ADCY5: variants seen among roughly 807,000 people sequenced by gnomAD.
ADCY5 encodes adenylate cyclase 5.
In ADCY5, 30 loss-of-function variants were observed where a neutral mutation model predicts 119.7. The ratio of observed to expected loss-of-function variants is 0.25; its 90% CI spans 0.19 to 0.34. The LOEUF (loss-of-function observed/expected upper bound fraction) is 0.34. ADCY5 is among the 10% of genes least tolerant of loss of function. The pLI is 1.00. For missense variants in ADCY5, 1,324 were observed against 1,775.2 expected (o/e 0.75, Z 4.57); for synonymous variants, 753 against 762.2 (o/e 0.99, Z 0.20).
At chr3:123,394,339 A>C (rs1229599024) in intron 1 of ADCY5, among the ~76,000 whole-genome samples, 2 of 152,158 alleles carry the variant, frequency 1.3e-5, no homozygotes, top group Non-Finnish European at 2.9e-5. Flanking sequence ...TTTTTGAACG[A>C]ATTTTTTTTA....
chr3:123,357,401 G>C (rs1210000008), intron 1 of ADCY5, among the ~76,000 whole-genome samples: 2 of 152,166 alleles, frequency 1.3e-5, no homozygotes, highest in Non-Finnish European at 2.9e-5. Context: ...TCAAGTGTCT[G>C]CTGCAGCATC....
Position 123,335,787 on chromosome 3 carries a change from C to A in ADCY5, c.1407-3112G>T, listed in dbSNP as rs570047544. 1.5e-3 allele frequency among the ~76,000 whole-genome samples: 226 copies of A among 152,338 alleles called. 1 individual carries two copies. The highest frequency in any genetic ancestry group is 5.1e-3 in the African/African-American group (213 of 41,580). ...AGTGCATCCCAAGGCTTCAGCCAGG[C>A]TGTCCCACCTCCCAGGAGAAGCACA... On this transcript the variant is annotated intron_variant, in intron 3 of 20. Coordinates refer to ENST00000462833, the MANE Select transcript of ADCY5 (RefSeq NM_183357.3).
At chr3:123,301,356 G>A (rs555752441) in intron 14 of ADCY5, among the ~76,000 whole-genome samples, 5 of 152,160 alleles carry the variant, frequency 3.3e-5, no homozygotes, top group Non-Finnish European at 5.9e-5. Context: ...ATTGGATTGT[G>A]GGGGGAAGCC....
chr3:123,365,758 A>AGTCATGAG (rs935884223), intron 1 of ADCY5, among the ~76,000 whole-genome samples: 1 of 152,194 alleles, frequency 6.6e-6, no homozygotes, highest in African/African-American at 2.4e-5. Context: ...AAGGGGGTTA[A>AGTCATGAG]GTCATGAGGT....
At chr3:123,344,849 T>C (rs1942456399) in intron 3 of ADCY5, among the ~76,000 whole-genome samples, 1 of 152,226 alleles carries the variant, frequency 6.6e-6, no homozygotes, top group East Asian at 1.9e-4. Context: ...TTGCATATGA[T>C]TGCTTGCAGT....
At chr3:123,384,399 T>C (rs6803100) in intron 1 of ADCY5, among the ~76,000 whole-genome samples, 71,771 of 151,790 alleles carry the variant, frequency 0.47, 17,701 homozygotes, top group East Asian at 0.68. Context: ...TGAGTCGCCC[T>C]GGGTCAGGGC....
intron 1 of ADCY5, among the ~76,000 whole-genome samples, chr3:123,390,159 G>A (rs1387154636): frequency 1.3e-5 from 2 of 152,200 alleles, no homozygotes; most frequent in Non-Finnish European, 2.9e-5. Context: ...AGAGGAGAGA[G>A]GCCGTCCCCT....
At chr3:123,303,893 G>GAAGAGAAGAGGAGAAGAGAAGAGAAGAA (rs746945989) in intron 13 of ADCY5, among the ~76,000 whole-genome samples, 174 bp downstream of exon 13, 1 of 117,186 alleles carries the variant, frequency 8.5e-6, no homozygotes, top group Admixed American at 8.4e-5. Context: ...GAAGAGAAGA[G>GAAGAGAAGAGGAGAAGAGAAGAGAAGAA]AAGAAAGAAC....
Position 123,328,830 on chromosome 3 carries a change from G to A in ADCY5, c.1647-28C>T, listed in dbSNP as rs772719503. 6 of 1,607,696 alleles carry A rather than the reference G, an allele frequency of 3.7e-6. No homozygotes were observed. In the Admixed American group the frequency reaches 5.0e-5, roughly 13 times the overall value. On this transcript the variant is annotated intron_variant, in intron 5 of 20. Transcript: ENST00000462833. ...GGGGATGGAGCAGGAGTAAAGCTGG[G>A]AGAAGGCTGGAGGCCAGGCACACAG...
Position 123,331,014 on chromosome 3 carries a change from C to A in ADCY5, c.1521G>T (p.Glu507Asp). 6.2e-7 allele frequency: 1 copy of A among 1,605,688 alleles called. No individual in the cohort carries two copies. Among genetic ancestry groups the A allele is most frequent in the South Asian group, 1.1e-5 (1 of 89,632 alleles). Reference sequence around the variant, plus strand: ...GGATCTTAATACGTAAACAGTGATTCTCCTGGAAAGCAAATTAATTTTACA... The same window carrying A: ...GGATCTTAATACGTAAACAGTGATTATCCTGGAAAGCAAATTAATTTTACA... ...LFARFDKLAA[E>D]NHCLRIKILG... Residue 507 changes from glutamate (E) to aspartate (D), a missense_variant and splice_region_variant, in exon 5 of 21, where the codon GAG becomes GAT. Physicochemically the swap from Glu to Asp is conservative, Grantham distance 45. This residue lies in a region of ADCY5 where 123 missense variants were observed against 287.9 expected (regional missense o/e 0.43). Coordinates refer to ENST00000462833, the MANE Select transcript of ADCY5 (RefSeq NM_183357.3).
chr3:123,441,641 G>C lies in ADCY5; in HGVS notation c.1134+5771C>G, dbSNP rs116701728. On this transcript the variant is annotated intron_variant, in intron 1 of 20. Coordinates refer to ENST00000462833, the MANE Select transcript of ADCY5 (RefSeq NM_183357.3). ...CAATAACACCTTGCCCTTCGCGTTAGGTTTTCTTACCTGATATGGTCTGCT... is the reference window on the plus strand; with the variant it reads ...CAATAACACCTTGCCCTTCGCGTTACGTTTTCTTACCTGATATGGTCTGCT... 2.6e-3 allele frequency among the ~76,000 whole-genome samples: 398 copies of C among 152,296 alleles called. 1 individual carries two copies. The highest frequency in any genetic ancestry group is 8.3e-3 in the African/African-American group (346 of 41,558).
At chr3:123,402,779 G>C (rs1944800708) in intron 1 of ADCY5, among the ~76,000 whole-genome samples, 1 of 151,436 alleles carries the variant, frequency 6.6e-6, no homozygotes, top group Non-Finnish European at 1.5e-5. Flanking sequence ...CGTGAACCCG[G>C]GAGGCGGAGC....
intron 1 of ADCY5, among the ~76,000 whole-genome samples, chr3:123,401,444 C>T (rs1298893974): frequency 6.6e-6 from 1 of 152,158 alleles, no homozygotes; most frequent in Admixed American, 6.5e-5. Context: ...ATTTTTGTGG[C>T]TATTCGCACT....
At chr3:123,314,366 C>T (rs377704866) in intron 11 of ADCY5, 44 bp from the exon 12 acceptor site, 27 of 1,501,998 alleles carry the variant, frequency 1.8e-5, no homozygotes, top group Non-Finnish European at 2.4e-5. Flanking sequence ...GCTCAGGTGG[C>T]AGGGCTGCAG....
chr3:123,447,900 A>C lies in ADCY5; in HGVS notation c.646T>G (p.Phe216Val), dbSNP rs770027937. 3.7e-6 allele frequency: 6 copies of C among 1,611,248 alleles called. No homozygotes were observed. Among genetic ancestry groups the C allele is most frequent in the Non-Finnish European group, 4.2e-6 (5 of 1,178,946 alleles). Residue 216 changes from phenylalanine to valine, a missense_variant, in exon 1 of 21, where the codon TTC (phenylalanine) becomes GTC (valine). This residue lies in a region of ADCY5 where 585 missense variants were observed against 569.9 expected (regional missense o/e 1.03). Coordinates refer to ENST00000462833, the MANE Select transcript of ADCY5 (RefSeq NM_183357.3). ...TCCGACGGGAACTTCTTGGAGCGGA[A>C]TATCTGCAGCAACGCCAGGCAGCAG... ...GACCLALLQI[F>V]RSKKFPSDKL...
At chr3:123,402,229 A>C (rs1944779426) in intron 1 of ADCY5, among the ~76,000 whole-genome samples, 1 of 152,236 alleles carries the variant, frequency 6.6e-6, no homozygotes, top group South Asian at 2.1e-4. Flanking sequence ...TTATCAGGGC[A>C]CGTGAGAGAT....
At chr3:123,361,886 A>T (rs1943260823) in intron 1 of ADCY5, among the ~76,000 whole-genome samples, 1 of 152,228 alleles carries the variant, frequency 6.6e-6, no homozygotes, top group African/African-American at 2.4e-5. Flanking sequence ...TTAAGTACTT[A>T]TGTGTGGAAT....
chr3:123,289,720 G>A, intron 19 of ADCY5, 30 bp downstream of exon 19: 1 of 1,609,952 alleles, frequency 6.2e-7, no homozygotes, highest in South Asian at 1.1e-5. Flanking sequence ...ACTGCACCCT[G>A]GGCTCAGCAC....
intron 2 of ADCY5, among the ~76,000 whole-genome samples, chr3:123,350,876 T>C (rs1259132441): frequency 6.6e-6 from 1 of 151,898 alleles, no homozygotes; most frequent in East Asian, 1.9e-4. Context: ...AAGGAGGAGG[T>C]ATCCTGATCT....
Sources: gnomAD v4.1 joint callset for allele counts (sites outside exome capture counted in the v4.1 genomes callset) on GRCh38, gnomAD v4.1.1 for gene constraint, gnomAD v4.1.1 regional missense constraint, MANE v1.5 for transcripts, NCBI Gene and HGNC (gene_info 2026-07-23, HGNC 2026-07-21) for gene names.